ELAVL1: variants seen among roughly 807,000 people sequenced by gnomAD.
ELAVL1 encodes ELAV like RNA binding protein 1, also known as ELAV-like protein 1.
ELAVL1 carries 1 observed loss-of-function variant against 28.4 expected under a neutral mutation model. That is an observed-to-expected ratio of 0.04 (90% CI 0.01 to 0.17). ELAVL1 has a LOEUF of 0.17. ELAVL1 is among the 10% of genes least tolerant of loss of function. The pLI is 1.00. For synonymous variants in ELAVL1, 174 were observed against 183.5 expected (o/e 0.95, Z 0.42); for missense variants, 157 against 447.2 (o/e 0.35, Z 5.85).
intron 4 of ELAVL1, among the ~76,000 whole-genome samples, chr19:7,969,421 C>A (rs1165188801): frequency 1.3e-5 from 2 of 152,184 alleles, no homozygotes; most frequent in East Asian, 3.9e-4. Flanking sequence ...CAGCTGCCCC[C>A]ACAATCGCGA....
chr19:7,989,815 G>A (rs1389680664), intron 2 of ELAVL1, among the ~76,000 whole-genome samples: 2 of 152,326 alleles, frequency 1.3e-5, no homozygotes, highest in Middle Eastern at 3.4e-3. Flanking sequence ...GGAGTTGGAA[G>A]GAGAGAAGGC....
chr19:7,994,734 G>A (rs536426638), intron 1 of ELAVL1, among the ~76,000 whole-genome samples: 1 of 152,286 alleles, frequency 6.6e-6, no homozygotes, highest in Non-Finnish European at 1.5e-5. Context: ...AAATAATCAC[G>A]CAAGTGCAGG....
At chr19:7,985,244 T>C (rs1260713700) in intron 2 of ELAVL1, among the ~76,000 whole-genome samples, 2 of 152,202 alleles carry the variant, frequency 1.3e-5, no homozygotes, top group Non-Finnish European at 2.9e-5. Flanking sequence ...TAAAGCTCCC[T>C]AGTGATTCCA....
intron 3 of ELAVL1, among the ~76,000 whole-genome samples, chr19:7,975,810 A>C (rs1209163791): frequency 6.6e-6 from 1 of 152,212 alleles, no homozygotes; most frequent in Non-Finnish European, 1.5e-5. Flanking sequence ...TGTCCTTATA[A>C]AAGAGGGAAA....
chr19:7,993,532 T>C (rs1415103910), intron 1 of ELAVL1, among the ~76,000 whole-genome samples: 2 of 152,248 alleles, frequency 1.3e-5, no homozygotes, highest in Admixed American at 1.3e-4. Flanking sequence ...TGCTGAAGTC[T>C]TTCCTTTCAG....
chr19:8,004,141 G>A (rs1260845514), intron 1 of ELAVL1, among the ~76,000 whole-genome samples: 1 of 152,186 alleles, frequency 6.6e-6, no homozygotes, highest in African/African-American at 2.4e-5. Flanking sequence ...CGTCCACAAA[G>A]TGTCAAGCAC....
intron 5 of ELAVL1, among the ~76,000 whole-genome samples, chr19:7,965,366 G>A (rs1984929297): frequency 1.3e-5 from 2 of 152,214 alleles, no homozygotes; most frequent in Non-Finnish European, 2.9e-5. Flanking sequence ...GTGAGTCAAT[G>A]CGCCCGGCCT....
chr19:7,964,996 G>A (rs2145199306), intron 5 of ELAVL1, among the ~76,000 whole-genome samples: 1 of 152,342 alleles, frequency 6.6e-6, no homozygotes, highest in African/African-American at 2.4e-5. Context: ...CCCAGCCGGG[G>A]TAAACGAGTG....
At chr19:8,004,706 G>A (rs2081080846) in intron 1 of ELAVL1, among the ~76,000 whole-genome samples, 1 of 152,080 alleles carries the variant, frequency 6.6e-6, no homozygotes. Flanking sequence ...TTCTAGCAAG[G>A]GGGCTCAGTC....
At chr19:7,973,986 A>T in intron 3 of ELAVL1, 108 bp from the exon 4 acceptor site, 1 of 1,389,232 alleles carries the variant, frequency 7.2e-7, no homozygotes, top group Non-Finnish European at 9.9e-7. Context: ...GTTAGAAATC[A>T]TGCAGGGAAC....
chr19:7,971,209 GTGAGTTC>G (rs1985102487), intron 4 of ELAVL1, among the ~76,000 whole-genome samples: 1 of 152,246 alleles, frequency 6.6e-6, no homozygotes, highest in African/African-American at 2.4e-5. Flanking sequence ...GTGTGCAGAG[GTGAGTTC>G]CCCCTGCCTG....
At chr19:7,971,707 T>C (rs1394034735) in intron 4 of ELAVL1, among the ~76,000 whole-genome samples, 1 of 152,190 alleles carries the variant, frequency 6.6e-6, no homozygotes. Flanking sequence ...CGCGAGTCTG[T>C]GCTAGGCTAC....
intron 2 of ELAVL1, among the ~76,000 whole-genome samples, chr19:7,986,792 GA>G (rs1364822294): frequency 6.6e-6 from 1 of 152,174 alleles, no homozygotes; most frequent in Non-Finnish European, 1.5e-5. Context: ...AAAATGTCCA[GA>G]TACAGGAAGG....
In ELAVL1 at chr19:7,984,186, A is replaced by G. The variant is rs1164984280; in HGVS notation, c.173-3000T>C. Among the ~76,000 whole-genome samples, 4 of 152,162 alleles carry G rather than the reference A, an allele frequency of 2.6e-5. No individual in the cohort carries two copies. In the East Asian group the frequency reaches 7.7e-4, roughly 29 times the overall value. On this transcript the variant is annotated intron_variant, in intron 2 of 5. Coordinates refer to ENST00000407627, the MANE Select transcript of ELAVL1 (RefSeq NM_001419.3). ...TTCTCTGTCCTCAAGGAGCTGACGC[A>G]TTAACTGAGCACCTACTATGTGTCA...
chr19:7,967,377 G>A lies in ELAVL1; in HGVS notation c.656+188C>T, dbSNP rs569561636. Among the ~76,000 whole-genome samples, 9 of 152,262 alleles carry A rather than the reference G, an allele frequency of 5.9e-5. No individual in the cohort carries two copies. In the East Asian group the frequency reaches 1.5e-3, roughly 26 times the overall value. On this transcript the variant is annotated intron_variant, in intron 5 of 5. Transcript: ENST00000407627. ...TTCCCATGAAAGACAACGCCCAATC[G>A]GAAGTAAACGGCTTTCCTACAGACA...
chr19:7,980,748 G>A (rs529219993), intron 3 of ELAVL1, among the ~76,000 whole-genome samples: 3 of 152,304 alleles, frequency 2.0e-5, no homozygotes, highest in African/African-American at 7.2e-5. Context: ...GTGAGGGAAG[G>A]GTTACAACTG....
chr19:8,000,582 T>C (rs1356466072), intron 1 of ELAVL1, among the ~76,000 whole-genome samples: 1 of 152,258 alleles, frequency 6.6e-6, no homozygotes, highest in African/African-American at 2.4e-5. Context: ...TTTAAGGTCC[T>C]TTCCAGATGC....
chr19:7,997,907 T>C (rs946968325), intron 1 of ELAVL1, among the ~76,000 whole-genome samples: 1 of 152,172 alleles, frequency 6.6e-6, no homozygotes, highest in Non-Finnish European at 1.5e-5. Context: ...GCTATGATTG[T>C]GCCACTGCAG....
chr19:7,998,058 C>T (rs2081055409), intron 1 of ELAVL1, among the ~76,000 whole-genome samples: 1 of 152,206 alleles, frequency 6.6e-6, no homozygotes, highest in Admixed American at 6.5e-5. Flanking sequence ...GGCTGAGCAG[C>T]CCCTGCAGGT....
Sources: gnomAD v4.1 joint callset for allele counts (sites outside exome capture counted in the v4.1 genomes callset) on GRCh38, gnomAD v4.1.1 for gene constraint, MANE v1.5 for transcripts, NCBI Gene and HGNC (gene_info 2026-07-23, HGNC 2026-07-21) for gene names.